The following GRIA3 variants were observed in gnomAD, a reference collection of about 807,000 sequenced individuals.
The protein encoded by GRIA3 is glutamate ionotropic receptor AMPA type subunit 3.
A neutral mutation model predicts 63.0 loss-of-function variants in GRIA3; 3 were observed. The ratio of observed to expected loss-of-function variants is 0.05; its 90% CI spans 0.02 to 0.12. The LOEUF (loss-of-function observed/expected upper bound fraction) is 0.12. Ranked by LOEUF, GRIA3 falls within the 10% of genes least tolerant of loss-of-function variation. The pLI is 1.00. For synonymous variants in GRIA3, 274 were observed against 257.9 expected, an observed-to-expected ratio of 1.06 and a Z score of -0.60; for missense variants, 347 against 700.9, an observed-to-expected ratio of 0.50 and a Z score of 5.70.
intron 3 of GRIA3, among the ~76,000 whole-genome samples, chrX:123,278,372 T>G (rs1016695730): frequency 7.1e-5 from 8 of 112,411 alleles, no homozygotes; most frequent in African/African-American, 9.7e-5. Context: ...ATGCTGTAGG[T>G]TGTGTCCCCA....
At chrX:123,358,096 G>A (rs1287749073) in intron 5 of GRIA3, among the ~76,000 whole-genome samples, 1 of 111,488 alleles carries the variant, frequency 9.0e-6, no homozygotes, top group African/African-American at 3.3e-5. Context: ...GAGAGACAGA[G>A]ACAGAGAACC....
At chrX:123,465,812 C>T (rs750695005) in intron 13 of GRIA3, 3 of 1,028,924 alleles carry the variant, frequency 2.9e-6, no homozygotes, top group Admixed American at 2.2e-5. Flanking sequence ...TCACCACAAC[C>T]GGGTACCCTT....
At chrX:123,345,775 A>G (rs1226930791) in intron 4 of GRIA3, among the ~76,000 whole-genome samples, 2 of 110,596 alleles carry the variant, frequency 1.8e-5, no homozygotes, top group Non-Finnish European at 3.8e-5. Flanking sequence ...CACGGCCCCC[A>G]TCCCACAGCA....
chrX:123,425,599 A>C (rs2045585316), intron 11 of GRIA3, among the ~76,000 whole-genome samples: 2 of 112,147 alleles, frequency 1.8e-5, no homozygotes, highest in Admixed American at 1.9e-4. Flanking sequence ...CATAATCAAA[A>C]CACCCTGTAT....
rs1556314556 is a variant in GRIA3 at position 123,407,691 on chromosome X, C to CAG, written c.1500+2777_1500+2778insAG. Reference sequence around the variant, plus strand: ...AGGATTTCAACATATGACTTGGTTGCGGGGGGGGGGGGGACGTGGGGACAC... The same window carrying CAG: ...AGGATTTCAACATATGACTTGGTTGCAGGGGGGGGGGGGGGACGTGGGGACAC... On this transcript the variant is annotated intron_variant, in intron 10 of 15. Coordinates refer to ENST00000620443, the MANE Select transcript of GRIA3 (RefSeq NM_007325.5). 1.5e-3 allele frequency among the ~76,000 whole-genome samples: 3 copies of CAG among 2,050 alleles called. 1 individual carries two copies. Among genetic ancestry groups the CAG allele is most frequent in the East Asian group, 0.025 (2 of 80 alleles). The allele number at this position is 2,050 out of a possible 115,157, so 1.8% of individuals were successfully genotyped here. A position where few individuals can be genotyped will look rare whatever the true frequency, so the allele number is the denominator to read the frequency against.
intron 2 of GRIA3, chrX:123,204,254 G>A (rs1363743824): frequency 3.9e-6 from 2 of 506,555 alleles, no homozygotes; most frequent in East Asian, 3.7e-5. Flanking sequence ...ACTTAGATGA[G>A]TGCTACTTTG....
At chrX:123,455,507 G>A (rs1247290138) in intron 12 of GRIA3, among the ~76,000 whole-genome samples, 7 of 111,642 alleles carry the variant, frequency 6.3e-5, no homozygotes, top group Non-Finnish European at 7.5e-5. Context: ...AACATAAGTG[G>A]AAGAAAAAAA....
intron 3 of GRIA3, among the ~76,000 whole-genome samples, chrX:123,276,675 T>A (rs2044556404): frequency 9.0e-6 from 1 of 111,727 alleles, no homozygotes; most frequent in South Asian, 3.8e-4. Context: ...GGAATTTGTA[T>A]CCAGGCAGTC....
intron 10 of GRIA3, among the ~76,000 whole-genome samples, chrX:123,408,907 C>T (rs149394469): frequency 0.011 from 1,285 of 112,229 alleles, 17 homozygotes; most frequent in African/African-American, 0.04. Flanking sequence ...TAAAAGCTCT[C>T]TGTTAAAGAG....
chrX:123,417,654 GACA>G lies in GRIA3; in HGVS notation c.1758_1760del (p.Asn587del), dbSNP rs2045543461. 10 of 1,186,032 alleles carry G rather than the reference GACA, an allele frequency of 8.4e-6. No individual in the cohort carries two copies. The highest frequency in any genetic ancestry group is 1.9e-5 in the South Asian group (1 of 52,201). On this transcript the variant is annotated inframe_deletion, in exon 11 of 16. Transcript: ENST00000620443. ...CAGTCCTTATGAATGGCACTTGGAAGACAACAATGAAGAACCTCGTGACCCACA... is the reference window on the plus strand; with the variant it reads ...CAGTCCTTATGAATGGCACTTGGAAGACAATGAAGAACCTCGTGACCCACA...
chrX:123,369,766 CTA>C lies in GRIA3; in HGVS notation c.750+14805_750+14806del, dbSNP rs758343019. Among the ~76,000 whole-genome samples the C allele has an allele frequency of 5.1e-4, 57 of 111,792 alleles. No homozygotes were observed. The East Asian group carries it at 0.015, about 29-fold the overall frequency. ...TTGATCTGTATGGTGGCCATTTCTG[CTA>C]TGTTAGTTGTTTTACAGAGGTTTTA... On this transcript the variant is annotated intron_variant, in intron 5 of 15. Transcript: ENST00000620443.
At chrX:123,223,511 C>T (rs2044229444) in intron 2 of GRIA3, among the ~76,000 whole-genome samples, 1 of 112,716 alleles carries the variant, frequency 8.9e-6, no homozygotes, top group African/African-American at 3.2e-5. Context: ...TTCAAAAAGA[C>T]ATGAGCCTTT....
intron 3 of GRIA3, among the ~76,000 whole-genome samples, chrX:123,289,368 T>G (rs2044641641): frequency 9.2e-6 from 1 of 109,194 alleles, no homozygotes; most frequent in Non-Finnish European, 1.9e-5. Context: ...TGTATACCTA[T>G]GTAACAAACC....
chrX:123,388,530 G>C (rs1309871673), intron 5 of GRIA3, among the ~76,000 whole-genome samples: 3 of 112,220 alleles, frequency 2.7e-5, no homozygotes, highest in Non-Finnish European at 5.6e-5. Flanking sequence ...ACAGGAATGA[G>C]CCACCGTGCC....
chrX:123,359,499 G>A (rs1023908273), intron 5 of GRIA3, among the ~76,000 whole-genome samples: 3 of 111,347 alleles, frequency 2.7e-5, no homozygotes, highest in African/African-American at 9.8e-5. Context: ...AGCAAAACCA[G>A]AGCCCCGTTA....
intron 3 of GRIA3, among the ~76,000 whole-genome samples, chrX:123,283,574 C>T (rs2044599537): frequency 9.0e-6 from 1 of 111,170 alleles, no homozygotes; most frequent in Non-Finnish European, 1.9e-5. Flanking sequence ...GGGCGTCCAC[C>T]ATTACCGAGA....
At chrX:123,402,962 TTTTTAAA>T in intron 7 of GRIA3, 25 bp from the exon 8 acceptor site, 1 of 807,956 alleles carries the variant, frequency 1.2e-6, no homozygotes, top group African/African-American at 2.0e-5. Context: ...TGCCGTGCTA[TTTTTAAA>T]TTTTAAATTT....
At chrX:123,365,340 A>G (rs990626797) in intron 5 of GRIA3, among the ~76,000 whole-genome samples, 1 of 111,898 alleles carries the variant, frequency 8.9e-6, no homozygotes, top group Non-Finnish European at 1.9e-5. Flanking sequence ...GTTGTAAGTA[A>G]TAAAGTAGGG....
chrX:123,402,476 A>G (rs965706436), intron 7 of GRIA3, among the ~76,000 whole-genome samples: 3 of 110,338 alleles, frequency 2.7e-5, no homozygotes, highest in African/African-American at 9.9e-5. Flanking sequence ...TCAATCTTAC[A>G]GATTAAGACA....
Sources: gnomAD v4.1 joint callset for allele counts (sites outside exome capture counted in the v4.1 genomes callset) on GRCh38, gnomAD v4.1.1 for gene constraint, MANE v1.5 for transcripts, NCBI Gene and HGNC (gene_info 2026-07-23, HGNC 2026-07-21) for gene names.